The following COX10 variants were observed in gnomAD, a reference collection of about 807,000 sequenced individuals.
The protein encoded by COX10 is protoheme IX farnesyltransferase, mitochondrial.
A neutral mutation model predicts 37.3 loss-of-function variants in COX10; 27 were observed. The observed-to-expected ratio is 0.72, with a 90% confidence interval of 0.53 to 1.00. The LOEUF (loss-of-function observed/expected upper bound fraction) is 1.00, where lower values mean the gene tolerates loss of function less well. Ranked by LOEUF, COX10 falls within the 50% of genes least tolerant of loss-of-function variation. The pLI, the probability that COX10 is intolerant of heterozygous loss-of-function variation, is 0.00. For missense variants in COX10, 475 were observed against 563.2 expected, an observed-to-expected ratio of 0.84 and a Z score of 1.59; for synonymous variants, 222 against 229.1, an observed-to-expected ratio of 0.97 and a Z score of 0.28.
intron 3 of COX10, 29 bp from the exon 4 acceptor site, chr17:14,102,089 A>AGTGTGTCTGCTCTG: frequency 6.2e-7 from 1 of 1,613,296 alleles, no homozygotes; most frequent in Non-Finnish European, 8.5e-7. Flanking sequence ...TGTTGGTAAC[A>AGTGTGTCTGCTCTG]GTGTGTCTGC....
chr17:14,102,680 A>G (rs1199729239), intron 4 of COX10, among the ~76,000 whole-genome samples: 1 of 152,202 alleles, frequency 6.6e-6, no homozygotes, highest in East Asian at 1.9e-4. Flanking sequence ...TTAAAAAATC[A>G]TAATTTAGTA....
At chr17:14,137,368 A>G (rs1300630157) in intron 4 of COX10, among the ~76,000 whole-genome samples, 1 of 151,746 alleles carries the variant, frequency 6.6e-6, no homozygotes, top group East Asian at 1.9e-4. Flanking sequence ...TTGCATTTCC[A>G]GATGATATTT....
At chr17:14,076,109 G>GTTTT (rs1915143208) in intron 2 of COX10, among the ~76,000 whole-genome samples, 1 of 86,030 alleles carries the variant, frequency 1.2e-5, no homozygotes, top group Non-Finnish European at 2.2e-5. Flanking sequence ...GCTCTTTTTT[G>GTTTT]TCTTTTTTTT....
Position 14,179,126 on chromosome 17 carries a change from G to C in COX10, c.696-12863G>C, listed in dbSNP as rs575677559. On this transcript the variant is annotated intron_variant, in intron 5 of 6. Coordinates refer to ENST00000261643, the MANE Select transcript of COX10 (RefSeq NM_001303.4). ...CAAAGAGATTCTTAATATTTACCAA[G>C]TCTTAATTTCGCTTCAGAGATGTGT... The C allele has an allele frequency of 1.2e-3, 318 of 256,336 alleles. 3 individuals are homozygous for C. The highest frequency in any genetic ancestry group is 6.8e-3 in the African/African-American group (293 of 43,288). The allele number at this position is 256,336 out of a possible 1,614,324, so 15.9% of individuals were successfully genotyped here.
chr17:14,194,613 G>C (rs928832028), intron 6 of COX10, among the ~76,000 whole-genome samples: 1 of 152,138 alleles, frequency 6.6e-6, no homozygotes, highest in Non-Finnish European at 1.5e-5. Flanking sequence ...TTTTAATAGA[G>C]ACGGGGTTTC....
chr17:14,204,926 A>AC (rs886617456), intron 6 of COX10, among the ~76,000 whole-genome samples: 1 of 151,960 alleles, frequency 6.6e-6, no homozygotes, highest in African/African-American at 2.4e-5. Context: ...ACATGGTGAG[A>AC]CCCCATCTCT....
At chr17:14,196,476 G>T (rs940950025) in intron 6 of COX10, among the ~76,000 whole-genome samples, 7 of 152,116 alleles carry the variant, frequency 4.6e-5, no homozygotes, top group South Asian at 2.1e-4. Flanking sequence ...CTGTACAAAG[G>T]CTTACAGGCC....
chr17:14,104,287 A>G (rs1188888294), intron 4 of COX10, among the ~76,000 whole-genome samples: 1 of 152,164 alleles, frequency 6.6e-6, no homozygotes, highest in Non-Finnish European at 1.5e-5. Flanking sequence ...AGCTTCCCAA[A>G]TCATAATATT....
intron 4 of COX10, among the ~76,000 whole-genome samples, chr17:14,115,255 G>A (rs1404989391): frequency 1.3e-5 from 2 of 152,094 alleles, no homozygotes; most frequent in African/African-American, 2.4e-5. Flanking sequence ...GAGGAAGATG[G>A]TCCTATTGTT....
chr17:14,122,020 G>A (rs543177809), intron 4 of COX10, among the ~76,000 whole-genome samples: 14 of 152,200 alleles, frequency 9.2e-5, no homozygotes, highest in South Asian at 2.1e-4. Context: ...GTTGAGTATC[G>A]TAATTGCCCA....
intron 3 of COX10, among the ~76,000 whole-genome samples, chr17:14,092,273 G>A (rs944155686): frequency 3.9e-5 from 6 of 151,964 alleles, no homozygotes; most frequent in Non-Finnish European, 5.9e-5. Context: ...ATGCTTCCTG[G>A]TGAACTGCCT....
intron 4 of COX10, among the ~76,000 whole-genome samples, chr17:14,137,011 G>A (rs1454411128): frequency 6.6e-6 from 1 of 151,554 alleles, no homozygotes; most frequent in Non-Finnish European, 1.5e-5. Context: ...TGTGTGAGGT[G>A]GTGAGGAATT....
At chr17:14,158,248 A>G (rs1905089797) in intron 4 of COX10, among the ~76,000 whole-genome samples, 1 of 152,038 alleles carries the variant, frequency 6.6e-6, no homozygotes, top group Non-Finnish European at 1.5e-5. Context: ...AAAAAAATTA[A>G]AAGTAGGTAG....
intron 4 of COX10, among the ~76,000 whole-genome samples, chr17:14,149,119 A>G (rs1294241107): frequency 6.6e-6 from 1 of 151,504 alleles, no homozygotes; most frequent in Non-Finnish European, 1.5e-5. Context: ...ATCCATTGGT[A>G]TAATCATGCC....
intron 3 of COX10, among the ~76,000 whole-genome samples, chr17:14,090,844 C>T (rs1915512211): frequency 6.6e-6 from 1 of 152,124 alleles, no homozygotes; most frequent in Admixed American, 6.6e-5. Context: ...GAATCTTTAT[C>T]AGAGTGAAAG....
intron 4 of COX10, among the ~76,000 whole-genome samples, chr17:14,121,645 GGTAA>G (rs1916232390): frequency 6.6e-6 from 1 of 151,968 alleles, no homozygotes; most frequent in African/African-American, 2.4e-5. Context: ...ATTGGAGATG[GGTAA>G]GTAAGACATT....
chr17:14,154,281 C>T (rs1314122835), intron 4 of COX10, among the ~76,000 whole-genome samples: 2 of 152,056 alleles, frequency 1.3e-5, no homozygotes, highest in African/African-American at 4.8e-5. Context: ...TCTTGCATGT[C>T]GATTATACCT....
intron 6 of COX10, among the ~76,000 whole-genome samples, chr17:14,195,730 T>C (rs1222736732): frequency 2.0e-5 from 3 of 152,204 alleles, no homozygotes; most frequent in Admixed American, 6.5e-5. Context: ...CAAAGATTCC[T>C]GGGCCCTACC....
intron 5 of COX10, among the ~76,000 whole-genome samples, chr17:14,176,786 CTTGGTG>C (rs1905705307): frequency 6.6e-6 from 1 of 151,778 alleles, no homozygotes; most frequent in Non-Finnish European, 1.5e-5. Context: ...GAGTGCCAGT[CTTGGTG>C]CTGCTTGCCT....
Sources: gnomAD v4.1 joint callset for allele counts (sites outside exome capture counted in the v4.1 genomes callset) on GRCh38, gnomAD v4.1.1 for gene constraint, MANE v1.5 for transcripts, NCBI Gene and HGNC (gene_info 2026-07-23, HGNC 2026-07-21) for gene names.